KCNAB1: variants seen among roughly 807,000 people sequenced by gnomAD.
The protein encoded by KCNAB1 is potassium voltage-gated channel subfamily A regulatory beta subunit 1, also known as voltage-gated potassium channel subunit beta-1.
Under a neutral mutation model 64.6 loss-of-function variants are expected in KCNAB1, and 35 were observed. That is an observed-to-expected ratio of 0.54 (90% CI 0.41 to 0.72). The LOEUF is 0.72. Ranked by LOEUF, KCNAB1 falls within the 30% of genes least tolerant of loss-of-function variation. KCNAB1 has a pLI of 0.00. For synonymous variants in KCNAB1, 177 were observed against 183.8 expected (o/e 0.96, Z 0.30); for missense variants, 401 against 512.9 (o/e 0.78, Z 2.11).
At chr3:156,345,168 A>C (rs568219289) in intron 1 of KCNAB1, among the ~76,000 whole-genome samples, 1 of 152,236 alleles carries the variant, frequency 6.6e-6, no homozygotes, top group African/African-American at 2.4e-5. Flanking sequence ...TCTACACTTA[A>C]TAATGTTTGT....
intron 1 of KCNAB1, among the ~76,000 whole-genome samples, chr3:156,227,506 C>G (rs1340703514): frequency 6.6e-6 from 1 of 152,016 alleles, no homozygotes; most frequent in Non-Finnish European, 1.5e-5. Flanking sequence ...TGTGTGTGTA[C>G]TATTTTTATA....
intron 1 of KCNAB1, among the ~76,000 whole-genome samples, chr3:156,131,051 C>G (rs1713966383): frequency 1.3e-5 from 2 of 152,214 alleles, no homozygotes; most frequent in Non-Finnish European, 2.9e-5. Flanking sequence ...CAGGCTTTGG[C>G]CATCTCCTTC....
At chr3:156,337,032 C>A (rs889528130) in intron 1 of KCNAB1, among the ~76,000 whole-genome samples, 2 of 152,178 alleles carry the variant, frequency 1.3e-5, no homozygotes, top group Non-Finnish European at 2.9e-5. Flanking sequence ...TAAGTGACTG[C>A]GATTATTGTT....
At chr3:156,450,785 A>AT (rs913584188) in intron 2 of KCNAB1, among the ~76,000 whole-genome samples, 85 of 151,256 alleles carry the variant, frequency 5.6e-4, no homozygotes, top group African/African-American at 1.5e-3. Flanking sequence ...GTCAAAGCTG[A>AT]TTTTTTTTTC....
At chr3:156,425,437 A>G (rs897048609) in intron 2 of KCNAB1, among the ~76,000 whole-genome samples, 3 of 152,110 alleles carry the variant, frequency 2.0e-5, no homozygotes, top group Non-Finnish European at 4.4e-5. Flanking sequence ...CAAGGAGAGA[A>G]ATGGGAAAAA....
At chr3:156,261,414 T>G (rs980275675) in intron 1 of KCNAB1, among the ~76,000 whole-genome samples, 1 of 152,016 alleles carries the variant, frequency 6.6e-6, no homozygotes, top group African/African-American at 2.4e-5. Flanking sequence ...TATTTTTGTG[T>G]GCAGTTTGAG....
intron 1 of KCNAB1, among the ~76,000 whole-genome samples, chr3:156,395,467 C>G (rs1713364802): frequency 7.5e-6 from 1 of 133,906 alleles, no homozygotes; most frequent in South Asian, 2.5e-4. Flanking sequence ...ATGGCGTGAA[C>G]CAGGGAGGCG....
chr3:156,255,043 C>T (rs1718025257), intron 1 of KCNAB1, among the ~76,000 whole-genome samples: 1 of 152,114 alleles, frequency 6.6e-6, no homozygotes, highest in Non-Finnish European at 1.5e-5. Context: ...GTGGGTGACA[C>T]GTGGGCTCCC....
At chr3:156,196,888 A>G (rs1158789911) in intron 1 of KCNAB1, among the ~76,000 whole-genome samples, 2 of 152,324 alleles carry the variant, frequency 1.3e-5, no homozygotes, top group East Asian at 1.9e-4. Context: ...CCAATTTTCA[A>G]ACGGAATGCT....
At chr3:156,177,030 C>A in intron 1 of KCNAB1, 1 of 539,130 alleles carries the variant, frequency 1.9e-6, no homozygotes, top group East Asian at 2.9e-5. Context: ...GCCTCTGTCC[C>A]TTCCCCATCC....
At chr3:156,141,582 G>T (rs1409450300) in intron 1 of KCNAB1, among the ~76,000 whole-genome samples, 1 of 151,562 alleles carries the variant, frequency 6.6e-6, no homozygotes, top group Non-Finnish European at 1.5e-5. Flanking sequence ...TTATTCAACT[G>T]GTTGTTTTGA....
At chr3:156,159,036 G>C (rs182079950) in intron 1 of KCNAB1, among the ~76,000 whole-genome samples, 25 of 152,136 alleles carry the variant, frequency 1.6e-4, no homozygotes, top group African/African-American at 5.5e-4. Flanking sequence ...GGAGAAGAGG[G>C]GAGTAGTTTA....
chr3:156,387,174 T>C (rs1712681793), intron 1 of KCNAB1, among the ~76,000 whole-genome samples: 1 of 152,038 alleles, frequency 6.6e-6, no homozygotes, highest in Non-Finnish European at 1.5e-5. Context: ...GTCCCAGGAT[T>C]CAAAAGGGTG....
In KCNAB1 at chr3:156,536,768, A is replaced by G. The variant is rs750331777; in HGVS notation, c.*21A>G. On this transcript the variant is annotated 3_prime_UTR_variant, in exon 14 of 14. Coordinates refer to ENST00000490337, the MANE Select transcript of KCNAB1 (RefSeq NM_172160.3). ...CATAAGGCAATGCATGAACCACAGA[A>G]GCTGCATGGTTAAAATAGCGGCCTG... is the stretch of plus-strand genomic sequence containing the variant. 5 of 1,527,186 alleles carry G rather than the reference A, an allele frequency of 3.3e-6. No individual in the cohort carries two copies. Among genetic ancestry groups the G allele is most frequent in the Non-Finnish European group, 3.6e-6 (4 of 1,101,222 alleles). 94.6% of individuals were successfully genotyped at this position (1,527,186 alleles called of 1,614,324 possible).
chr3:156,527,204 C>G (rs541247150), intron 12 of KCNAB1, among the ~76,000 whole-genome samples: 1 of 152,164 alleles, frequency 6.6e-6, no homozygotes, highest in Non-Finnish European at 1.5e-5. Flanking sequence ...CTTTAACAAG[C>G]ACAGTAAAAC....
intron 1 of KCNAB1, among the ~76,000 whole-genome samples, chr3:156,402,255 TATCAGA>T (rs1168525807): frequency 6.6e-6 from 1 of 152,170 alleles, no homozygotes; most frequent in South Asian, 2.1e-4. Context: ...CCTTAAATAC[TATCAGA>T]ATCTAGTATC....
chr3:156,498,117 G>T (rs369511207), intron 8 of KCNAB1, among the ~76,000 whole-genome samples: 30 of 152,272 alleles, frequency 2.0e-4, no homozygotes, highest in African/African-American at 7.0e-4. Context: ...AAAGAATGGT[G>T]AAATTATTGA....
chr3:156,532,071 T>C (rs1188250847), intron 13 of KCNAB1, among the ~76,000 whole-genome samples: 6 of 152,232 alleles, frequency 3.9e-5, no homozygotes, highest in Non-Finnish European at 2.9e-5. Flanking sequence ...TCAAGATCTA[T>C]TGAATAAATA....
intron 1 of KCNAB1, among the ~76,000 whole-genome samples, chr3:156,361,269 C>A (rs1206936051): frequency 6.6e-6 from 1 of 152,148 alleles, no homozygotes; most frequent in South Asian, 2.1e-4. Flanking sequence ...CTTCTCTTCC[C>A]TAGCCATCCA....
Sources: gnomAD v4.1 joint callset for allele counts (sites outside exome capture counted in the v4.1 genomes callset) on GRCh38, gnomAD v4.1.1 for gene constraint, MANE v1.5 for transcripts, NCBI Gene and HGNC (gene_info 2026-07-23, HGNC 2026-07-21) for gene names.